CCDC3: variants seen among roughly 807,000 people sequenced by gnomAD.
CCDC3 encodes coiled-coil domain containing 3.
Under a neutral mutation model 21.4 loss-of-function variants are expected in CCDC3, and 24 were observed. The ratio of observed to expected loss-of-function variants is 1.12; its 90% confidence interval spans 0.81 to 1.58. The LOEUF is 1.58. Ranked by LOEUF, CCDC3 falls within the 40% of genes most tolerant of loss-of-function variation. CCDC3 has a pLI of 0.00. For missense variants in CCDC3, 425 were observed against 360.9 expected, an observed-to-expected ratio of 1.18 and a Z score of -1.44; for synonymous variants, 186 against 166.0, an observed-to-expected ratio of 1.12 and a Z score of -0.93.
At chr10:13,038,252 T>C (rs1469189182) in intron 5 of CCDC3, among the ~76,000 whole-genome samples, 1 of 151,666 alleles carries the variant, frequency 6.6e-6, no homozygotes, top group African/African-American at 2.4e-5. Flanking sequence ...GAGTAGTTAA[T>C]GGATTCCGGG....
intron 2 of CCDC3, among the ~76,000 whole-genome samples, chr10:12,923,618 T>C (rs564957577): frequency 5.3e-5 from 8 of 152,316 alleles, no homozygotes; most frequent in South Asian, 2.1e-4. Flanking sequence ...TTTTGTGATA[T>C]GATACCTCGA....
At chr10:13,033,470 C>T (rs1255049037) in intron 5 of CCDC3, among the ~76,000 whole-genome samples, 3 of 152,126 alleles carry the variant, frequency 2.0e-5, no homozygotes, top group Non-Finnish European at 2.9e-5. Context: ...GCAATGGCAA[C>T]AAAAGACAAA....
At chr10:12,992,076 AAAAAG>A (rs1477306010) in intron 2 of CCDC3, among the ~76,000 whole-genome samples, 1 of 151,760 alleles carries the variant, frequency 6.6e-6, no homozygotes, top group Non-Finnish European at 1.5e-5. Flanking sequence ...TTAAAAAAAA[AAAAAG>A]AAAGAAAAAA....
At chr10:13,050,587 A>C (rs1001387652) in intron 4 of CCDC3, among the ~76,000 whole-genome samples, 1 of 149,776 alleles carries the variant, frequency 6.7e-6, no homozygotes, top group Non-Finnish European at 1.5e-5. Flanking sequence ...CAGCCTCCTG[A>C]GTAGCTAGGA....
At chr10:12,969,762 A>G (rs931609537) in intron 2 of CCDC3, among the ~76,000 whole-genome samples, 55 of 150,370 alleles carry the variant, frequency 3.7e-4, no homozygotes, top group Admixed American at 1.1e-3. Context: ...TTTTTAAGAT[A>G]TTCATTCTTA....
At chr10:12,960,853 T>C (rs1835169659) in intron 2 of CCDC3, among the ~76,000 whole-genome samples, 1 of 152,074 alleles carries the variant, frequency 6.6e-6, no homozygotes, top group African/African-American at 2.4e-5. Flanking sequence ...ACAAGCAGGG[T>C]AACATGTGGG....
intron 2 of CCDC3, among the ~76,000 whole-genome samples, chr10:12,951,119 CA>C (rs1378083768): frequency 6.6e-6 from 1 of 152,190 alleles, no homozygotes; most frequent in Non-Finnish European, 1.5e-5. Context: ...CACAGTGGCT[CA>C]TGCCTGTAAT....
intron 3 of CCDC3, among the ~76,000 whole-genome samples, chr10:13,095,297 T>C (rs966333958): frequency 1.3e-5 from 2 of 152,058 alleles, no homozygotes; most frequent in African/African-American, 2.4e-5. Context: ...AGGTCAACCA[T>C]AGGGCAGATG....
chr10:13,001,117 C>G, intron 1 of CCDC3, 80 bp downstream of exon 1: 1 of 1,476,742 alleles, frequency 6.8e-7, no homozygotes, highest in Non-Finnish European at 9.0e-7. Flanking sequence ...CGGGGAGTTA[C>G]CGGCCTGGCT....
chr10:12,995,954 T>C (rs1258386045), intron 2 of CCDC3, among the ~76,000 whole-genome samples: 5 of 152,338 alleles, frequency 3.3e-5, no homozygotes, highest in South Asian at 2.1e-4. Flanking sequence ...TAAGAAGTTA[T>C]GTAGCTTAAG....
chr10:12,987,160 C>T (rs939465442), intron 2 of CCDC3, among the ~76,000 whole-genome samples: 5 of 152,194 alleles, frequency 3.3e-5, no homozygotes, highest in African/African-American at 4.8e-5. Context: ...CTAAATTCAT[C>T]GTCTCTCACC....
intron 2 of CCDC3, among the ~76,000 whole-genome samples, chr10:12,931,419 C>A (rs1308166839): frequency 3.9e-5 from 6 of 152,140 alleles, no homozygotes; most frequent in Non-Finnish European, 8.8e-5. Context: ...CTAAAAACTA[C>A]GTTTCCCAAA....
chr10:12,998,447 G>A lies in CCDC3; in HGVS notation c.440C>T (p.Thr147Ile), dbSNP rs1157709013. ...VNFQDAIFPDTQENRRMFSSL... is the reference protein window; with the variant it reads ...VNFQDAIFPDIQENRRMFSSL... ...AGAAAACATCCTTCTGTTCTCTTGA[G>A]TGTCTGGGAAGATGGCATCTTGGAA... is the stretch of plus-strand genomic sequence containing the variant. The change falls in exon 2 of 3, where the codon ACT (threonine) becomes ATT (isoleucine). Residue 147 changes from threonine (T) to isoleucine (I), a missense_variant. Coordinates refer to ENST00000378825, the MANE Select transcript of CCDC3 (RefSeq NM_031455.4). 2.5e-6 allele frequency: 4 copies of A among 1,614,156 alleles called. No individual in the cohort carries two copies. The South Asian group carries it at 4.4e-5, about 18-fold the overall frequency.
chr10:12,955,770 T>C (rs1835074061), intron 2 of CCDC3, among the ~76,000 whole-genome samples: 1 of 151,964 alleles, frequency 6.6e-6, no homozygotes, highest in Non-Finnish European at 1.5e-5. Context: ...TGAGACAGAG[T>C]CTCACTCTGT....
chr10:12,908,048 G>A (rs1834202185), intron 2 of CCDC3, among the ~76,000 whole-genome samples: 1 of 152,188 alleles, frequency 6.6e-6, no homozygotes. Flanking sequence ...TTAAAATCAG[G>A]AAACATTGAG....
chr10:12,950,790 A>G (rs1834996215), intron 2 of CCDC3, among the ~76,000 whole-genome samples: 1 of 152,202 alleles, frequency 6.6e-6, no homozygotes, highest in South Asian at 2.1e-4. Flanking sequence ...GAAAGGCGTC[A>G]TGACACAATC....
intron 2 of CCDC3, among the ~76,000 whole-genome samples, chr10:12,974,917 C>T (rs1305593223): frequency 6.6e-6 from 1 of 152,204 alleles, no homozygotes; most frequent in Non-Finnish European, 1.5e-5. Context: ...GCATTAGAGA[C>T]TCACAGTACC....
In CCDC3 at chr10:13,001,473, T is replaced by C. The variant is rs1169425720; in HGVS notation, c.98A>G (p.Glu33Gly). The change falls in exon 1 of 3, where the codon GAG becomes GGG. Residue 33 changes from glutamate (E) to glycine (G), a missense_variant. Physicochemically the swap from Glu to Gly is moderately conservative, Grantham distance 98. Coordinates refer to ENST00000378825, the MANE Select transcript of CCDC3 (RefSeq NM_031455.4). ...CTCGGCCAGCTCGGCGCGGCAGCCC[T>C]CGCTCAGGGGCCTCCACTCGGAGGG... ...QLPSEWRPLS[E>G]GCRAELAETI... is the part of the protein sequence containing the mutation. 7.0e-6 allele frequency: 10 copies of C among 1,419,456 alleles called. No individual in the cohort carries two copies. Among genetic ancestry groups the C allele is most frequent in the Non-Finnish European group, 9.2e-6 (10 of 1,088,216 alleles). 87.9% of individuals were successfully genotyped at this position (1,419,456 alleles called of 1,614,324 possible).
At chr10:12,997,343 G>A (rs781070250) in intron 2 of CCDC3, among the ~76,000 whole-genome samples, 10 of 152,110 alleles carry the variant, frequency 6.6e-5, no homozygotes, top group South Asian at 2.1e-4. Flanking sequence ...ATCGGGGACC[G>A]GAAGAGATGG....
Sources: allele counts gnomAD v4.1 joint callset (sites outside exome capture counted in the v4.1 genomes callset), GRCh38; gene constraint gnomAD v4.1.1; transcripts MANE v1.5; gene names NCBI Gene and HGNC (gene_info 2026-07-23, HGNC 2026-07-21).